ZFP14: variants seen among roughly 807,000 people sequenced by gnomAD.
ZFP14 encodes ZFP14 zinc finger protein.
In ZFP14, 22 loss-of-function variants were observed where a neutral mutation model predicts 54.5. The ratio of observed to expected loss-of-function variants is 0.40; its 90% CI spans 0.29 to 0.58. The LOEUF (loss-of-function observed/expected upper bound fraction) is 0.58, where lower values mean the gene tolerates loss of function less well. Ranked by LOEUF, ZFP14 falls within the 20% of genes least tolerant of loss-of-function variation. The pLI is 0.39. For synonymous variants in ZFP14, 159 were observed against 204.0 expected, an observed-to-expected ratio of 0.78 and a Z score of 1.88; for missense variants, 470 against 637.8, an observed-to-expected ratio of 0.74 and a Z score of 2.83.
At chr19:36,363,189 C>CTTTTCTTTTTTTTT (rs1555755935) in intron 2 of ZFP14, among the ~76,000 whole-genome samples, 8 of 97,738 alleles carry the variant, frequency 8.2e-5, no homozygotes, top group Admixed American at 2.5e-4. Context: ...CTTTTCTTTT[C>CTTTTCTTTTTTTTT]TTTTTTTTTT....
chr19:36,368,201 G>T (rs546410816), intron 1 of ZFP14, among the ~76,000 whole-genome samples: 1 of 152,274 alleles, frequency 6.6e-6, no homozygotes, highest in African/African-American at 2.4e-5. Flanking sequence ...GGGCACGGTG[G>T]CTCTCGCCTG....
intron 4 of ZFP14, among the ~76,000 whole-genome samples, chr19:36,357,173 G>C (rs1195819099): frequency 6.6e-6 from 1 of 152,168 alleles, no homozygotes; most frequent in Middle Eastern, 3.2e-3. Context: ...CTCCTGAGTA[G>C]CTGGGATTAC....
chr19:36,365,897 C>A (rs1171293234), intron 2 of ZFP14, among the ~76,000 whole-genome samples: 1 of 150,998 alleles, frequency 6.6e-6, no homozygotes. Context: ...GAGGTCGGGG[C>A]TGCAGTTAGT....
Position 36,341,956 on chromosome 19 carries a change from A to G in ZFP14, c.236-366T>C, listed in dbSNP as rs1447322228. Among the ~76,000 whole-genome samples, 1 of 151,426 alleles carries G rather than the reference A, an allele frequency of 6.6e-6. No individual in the cohort carries two copies. Among genetic ancestry groups the G allele is most frequent in the African/African-American group, 2.4e-5 (1 of 41,168 alleles). On this transcript the variant is annotated intron_variant, in intron 4 of 4. Coordinates refer to ENST00000270001, the MANE Select transcript of ZFP14 (RefSeq NM_020917.3). This position sits in a 1 kb window ranked among gnomAD's most constrained non-coding sequence, Gnocchi z 4.2. ...AAGCTCCGCCTCCCGGGTTCACGCC[A>G]TTCTCCTGCCTCAGCCTCCCAAGTA...
rs2031310569 is a variant in ZFP14, at chr19:36,341,343, C to T, written c.483G>A (p.Glu161=). 6.2e-7 allele frequency: 1 copy of T among 1,614,040 alleles called. No homozygotes were observed. Among genetic ancestry groups the T allele is most frequent in the Non-Finnish European group, 8.5e-7 (1 of 1,180,028 alleles). Residue 161 remains glutamate (E), a synonymous_variant, in exon 5 of 5, where the codon GAG becomes GAA. Transcript: ENST00000270001. The surrounding 1 kb of genome is among the most constrained non-coding windows in gnomAD (Gnocchi z 4.2). Reference sequence around the variant, plus strand: ...TTTCTCCATTATGAACGATCTGATACTCAGTAAGAAAATTGTGCCTTTTGT... The same window carrying T: ...TTTCTCCATTATGAACGATCTGATATTCAGTAAGAAAATTGTGCCTTTTGT... ...TTYKRHNFLT[E]YQIVHNGEKV...
intron 4 of ZFP14, among the ~76,000 whole-genome samples, chr19:36,357,643 G>C (rs180863720): frequency 1.0e-3 from 156 of 152,264 alleles, no homozygotes; most frequent in African/African-American, 3.6e-3. Context: ...GTGTGTGGCA[G>C]GGTATGTTTC....
intron 1 of ZFP14, chr19:36,378,454 G>C (rs533141678): frequency 6.6e-6 from 1 of 152,294 alleles, no homozygotes; most frequent in East Asian, 1.9e-4. Flanking sequence ...ATTAATGACA[G>C]AGCTGCTTCA....
Position 36,352,183 on chromosome 19 carries a change from CA to C in ZFP14, c.235+8251del, listed in dbSNP as rs541317625. 9.7e-4 allele frequency among the ~76,000 whole-genome samples: 113 copies of C among 116,702 alleles called. 2 individuals are homozygous for C. The highest frequency in any genetic ancestry group is 1.7e-3 in the East Asian group (7 of 4,058). The allele number at this position is 116,702 out of a possible 152,430, so 76.6% of individuals were successfully genotyped here. Reference sequence around the variant, plus strand: ...TGGGCAACGGAGCCAGACTCTGTCTCAAAAAAAAAAAAATTCTATTAAGATC... The same window carrying C: ...TGGGCAACGGAGCCAGACTCTGTCTCAAAAAAAAAAAATTCTATTAAGATC... On this transcript the variant is annotated intron_variant, in intron 4 of 4. Coordinates refer to ENST00000270001, the MANE Select transcript of ZFP14 (RefSeq NM_020917.3).
intron 4 of ZFP14, among the ~76,000 whole-genome samples, chr19:36,347,956 G>A (rs184778171): frequency 3.9e-4 from 59 of 152,246 alleles, no homozygotes; most frequent in African/African-American, 1.3e-3. Flanking sequence ...TACTCGGGAG[G>A]CTGAGGCAGG....
At chr19:36,349,265 A>AGG (rs1346932879) in intron 4 of ZFP14, among the ~76,000 whole-genome samples, 1 of 146,588 alleles carries the variant, frequency 6.8e-6, no homozygotes, top group African/African-American at 2.6e-5. Flanking sequence ...AACAAAAAAA[A>AGG]AAAAACAGGA....
chr19:36,375,074 G>A (rs2031939318), intron 1 of ZFP14, among the ~76,000 whole-genome samples: 2 of 152,098 alleles, frequency 1.3e-5, no homozygotes, highest in Non-Finnish European at 2.9e-5. Context: ...AAGCACTGAA[G>A]GCAGCCCCAT....
chr19:36,362,331 G>T (rs2031724286), intron 2 of ZFP14, 93 bp from the exon 3 acceptor site: 2 of 1,355,616 alleles, frequency 1.5e-6, no homozygotes, highest in African/African-American at 3.0e-5. Flanking sequence ...TGCAGAGAGG[G>T]GTCAGATAGC....
intron 4 of ZFP14, among the ~76,000 whole-genome samples, chr19:36,343,820 A>G (rs60842204): frequency 0.34 from 51,373 of 151,824 alleles, 8,816 homozygotes; most frequent in Admixed American, 0.41. Context: ...GTGCTAGCTC[A>G]GGTGTCTCTT....
rs996395091 is a variant in ZFP14 at position 36,366,031 on chromosome 19, G to A, written c.9+1853C>T. Among the ~76,000 whole-genome samples the A allele has an allele frequency of 7.3e-5, 11 of 151,610 alleles. No homozygotes were observed. In the South Asian group the frequency reaches 1.0e-3, roughly 14 times the overall value. ...TGTAATCTCAGCACTTTGGGAGGTCGAGGCAGGTGGATCACTTGAGGTCAG... is the reference window on the plus strand; with the variant it reads ...TGTAATCTCAGCACTTTGGGAGGTCAAGGCAGGTGGATCACTTGAGGTCAG... On this transcript the variant is annotated intron_variant, in intron 2 of 4. Transcript: ENST00000270001.
intron 4 of ZFP14, among the ~76,000 whole-genome samples, chr19:36,356,087 C>T (rs2031608185): frequency 7.1e-6 from 1 of 141,178 alleles, no homozygotes; most frequent in African/African-American, 2.6e-5. Flanking sequence ...TAGACTTCAC[C>T]CAGCCCCTCC....
chr19:36,348,886 T>G (rs921569096), intron 4 of ZFP14, among the ~76,000 whole-genome samples: 1 of 152,130 alleles, frequency 6.6e-6, no homozygotes, highest in African/African-American at 2.4e-5. Flanking sequence ...GCTTGTATTT[T>G]TTTTATCAAT....
intron 1 of ZFP14, among the ~76,000 whole-genome samples, chr19:36,368,816 A>G (rs2031835456): frequency 6.6e-6 from 1 of 151,998 alleles, no homozygotes; most frequent in Admixed American, 6.6e-5. Flanking sequence ...CTCCCATACC[A>G]TGACATCCTT....
At chr19:36,368,006 C>A in intron 1 of ZFP14, 35 bp from the exon 2 acceptor site, 2 of 1,227,228 alleles carry the variant, frequency 1.6e-6, no homozygotes, top group South Asian at 1.7e-5. Context: ...AAATAAGCTG[C>A]GCCACAGAGC....
chr19:36,360,605 TAATTA>T (rs2031694911), intron 3 of ZFP14, 72 bp from the exon 4 acceptor site: 1 of 1,391,880 alleles, frequency 7.2e-7, no homozygotes, highest in Admixed American at 2.0e-5. Flanking sequence ...GTTAAATTTA[TAATTA>T]ACTACAGATC....
Sources: allele counts gnomAD v4.1 joint callset (sites outside exome capture counted in the v4.1 genomes callset), GRCh38; gene constraint gnomAD v4.1.1; non-coding constraint Gnocchi (gnomAD v3.1); transcripts MANE v1.5; gene names NCBI Gene and HGNC (gene_info 2026-07-23, HGNC 2026-07-21).